RANBP2: variants seen among roughly 807,000 people sequenced by gnomAD.
RANBP2 encodes the protein E3 SUMO-protein ligase RanBP2.
A neutral mutation model predicts 303.6 loss-of-function variants in RANBP2; 57 were observed. That is an observed-to-expected ratio of 0.19 (90% CI 0.15 to 0.23). RANBP2 has a LOEUF of 0.23. Ranked by LOEUF, RANBP2 falls within the 10% of genes least tolerant of loss-of-function variation. The probability of loss-of-function intolerance (pLI) is 1.00; values close to 1 mark genes in which losing one functional copy is unlikely to be tolerated. For missense variants in RANBP2, 3,138 were observed against 3,780.8 expected (o/e 0.83, Z 4.46); for synonymous variants, 1,167 against 1,301.5 (o/e 0.90, Z 2.23).
the RANBP2 span, among the ~76,000 whole-genome samples, chr2:109,704,365 C>T: frequency 3.3e-5 from 5 of 151,800 alleles, no homozygotes; most frequent in Non-Finnish European, 7.4e-5. Context: ...CAGGGCAACA[C>T]GGCAAAACCT....
At position 108,772,924 on chromosome 2, in the gene RANBP2, G is replaced by A. The variant is rs1187421000; in HGVS notation, c.8170G>A (p.Ala2724Thr). 1 of 1,613,976 alleles carries A rather than the reference G, an allele frequency of 6.2e-7. No individual in the cohort carries two copies. Reference protein sequence around the residue: ...WEKKPTVEEKAKADTLKLPPT... With the variant: ...WEKKPTVEEKTKADTLKLPPT... ...AAAGAAACCAACAGTTGAAGAGAAGGCAAAAGCAGATACGTTAAAACTTCC... is the reference window on the plus strand; with the variant it reads ...AAAGAAACCAACAGTTGAAGAGAAGACAAAAGCAGATACGTTAAAACTTCC... Residue 2724 changes from alanine to threonine, a missense_variant, in exon 23 of 29, where the codon GCA becomes ACA. This residue lies in a region of RANBP2 where 497 missense variants were observed against 465.8 expected (regional missense o/e 1.07). Transcript: ENST00000283195.
Position 108,731,417 on chromosome 2 carries a change from C to T in RANBP2, c.348C>T (p.Tyr116=), listed in dbSNP as rs897036767. 2.5e-6 allele frequency: 4 copies of T among 1,611,530 alleles called. No individual in the cohort carries two copies. Among genetic ancestry groups the T allele is most frequent in the Middle Eastern group, 2.3e-4 (1 of 4,424 alleles). Residue 116 remains tyrosine, a synonymous_variant, in exon 4 of 29, where the codon TAC becomes TAT. Transcript: ENST00000283195. ...ATGTTACTGATGGAAGAGCAAAATA[C>T]TGGCTTGAAAGAGCAGCCAAACTTT... ...KNDVTDGRAK[Y]WLERAAKLFP... is the part of the protein sequence containing the mutation.
At chr2:109,240,453 A>G in the RANBP2 span, among the ~76,000 whole-genome samples, 9 of 152,292 alleles carry the variant, frequency 5.9e-5, no homozygotes, top group African/African-American at 1.9e-4. Flanking sequence ...GCACCTCTGC[A>G]CTCCAGCCTG....
At chr2:109,169,017 A>G in the RANBP2 span, among the ~76,000 whole-genome samples, 1 of 152,214 alleles carries the variant, frequency 6.6e-6, no homozygotes, top group Non-Finnish European at 1.5e-5. Context: ...AGTTTGCCTA[A>G]CAGGACTCTC....
the RANBP2 span, among the ~76,000 whole-genome samples, chr2:109,147,861 A>G: frequency 6.6e-6 from 1 of 152,244 alleles, no homozygotes; most frequent in Non-Finnish European, 1.5e-5. Flanking sequence ...ATTTCCATAT[A>G]TACATATAAA....
chr2:109,650,023 A>G, the RANBP2 span, among the ~76,000 whole-genome samples: 1 of 152,218 alleles, frequency 6.6e-6, no homozygotes, highest in Non-Finnish European at 1.5e-5. Context: ...AGTTTCTCAG[A>G]ACAGTCTCAA....
the RANBP2 span, among the ~76,000 whole-genome samples, chr2:109,750,692 CACT>C: frequency 2.4e-5 from 1 of 42,514 alleles, no homozygotes; most frequent in African/African-American, 4.7e-5. Context: ...TAAAAAGAAT[CACT>C]ACTATAATAA....
At chr2:108,907,158 A>T in the RANBP2 span, among the ~76,000 whole-genome samples, 1 of 152,198 alleles carries the variant, frequency 6.6e-6, no homozygotes, top group Non-Finnish European at 1.5e-5. Context: ...CAGTTTCTAC[A>T]TGTGAACCTG....
the RANBP2 span, chr2:109,502,652 C>A: frequency 6.6e-6 from 1 of 152,120 alleles, no homozygotes; most frequent in East Asian, 1.9e-4. Flanking sequence ...CGCGCTCTGT[C>A]TAGACGGTGA....
chr2:109,577,525 G>A, the RANBP2 span, among the ~76,000 whole-genome samples: 2 of 151,786 alleles, frequency 1.3e-5, no homozygotes, highest in Non-Finnish European at 2.9e-5. Flanking sequence ...GCAGGAGGTG[G>A]AGGTTGCAGT....
chr2:108,819,284 C>T, the RANBP2 span, among the ~76,000 whole-genome samples: 5 of 152,148 alleles, frequency 3.3e-5, no homozygotes, highest in Middle Eastern at 3.2e-3. Flanking sequence ...GTTCCCCTGC[C>T]GGTATAGCGC....
At chr2:109,191,243 C>T in the RANBP2 span, among the ~76,000 whole-genome samples, 22 of 152,106 alleles carry the variant, frequency 1.4e-4, no homozygotes, top group African/African-American at 4.6e-4. Context: ...AAAAAGTGGA[C>T]GGGAAGGTTG....
the RANBP2 span, among the ~76,000 whole-genome samples, chr2:109,318,831 C>T: frequency 6.6e-6 from 1 of 152,242 alleles, no homozygotes; most frequent in African/African-American, 2.4e-5. Context: ...CAGAGGCAGA[C>T]ATTGGCTTGG....
At chr2:108,720,010 C>G (rs1277439376) in intron 1 of RANBP2, 2 of 985,222 alleles carry the variant, frequency 2.0e-6, no homozygotes, top group Non-Finnish European at 2.4e-6. Flanking sequence ...CGGCCTAGTT[C>G]TCGGGGGCTT....
At chr2:109,059,223 C>T in the RANBP2 span, among the ~76,000 whole-genome samples, 1 of 152,118 alleles carries the variant, frequency 6.6e-6, no homozygotes, top group African/African-American at 2.4e-5. Context: ...TCCACAACAT[C>T]ATGGGGTGGC....
chr2:108,931,852 T>C, the RANBP2 span, among the ~76,000 whole-genome samples: 1 of 152,126 alleles, frequency 6.6e-6, no homozygotes, highest in Non-Finnish European at 1.5e-5. Context: ...TGTGCTCTAG[T>C]GATCGCCTAA....
downstream of RANBP2, among the ~76,000 whole-genome samples, chr2:108,789,441 A>T (rs1679534833): frequency 3.9e-5 from 6 of 152,174 alleles, 1 homozygote; most frequent in South Asian, 1.2e-3. Context: ...AAAAAATAGA[A>T]AAATTAGCCA....
At chr2:109,260,755 G>A in the RANBP2 span, among the ~76,000 whole-genome samples, 1 of 152,184 alleles carries the variant, frequency 6.6e-6, no homozygotes, top group Admixed American at 6.5e-5. Flanking sequence ...GGGACAGAAG[G>A]CACGGAAACT....
At chr2:109,461,306 A>G in the RANBP2 span, among the ~76,000 whole-genome samples, 2 of 152,258 alleles carry the variant, frequency 1.3e-5, no homozygotes, top group African/African-American at 2.4e-5. Flanking sequence ...GCCCAGTGGC[A>G]GACCAAGAAC....
Sources: gnomAD v4.1 joint callset for allele counts (sites outside exome capture counted in the v4.1 genomes callset) on GRCh38, gnomAD v4.1.1 for gene constraint, gnomAD v4.1.1 regional missense constraint, MANE v1.5 for transcripts, NCBI Gene and HGNC (gene_info 2026-07-23, HGNC 2026-07-21) for gene names.